APOA4: variants seen among roughly 807,000 people sequenced by gnomAD.
APOA4 encodes the protein apolipoprotein A4, also known as apolipoprotein A-IV.
In APOA4, 25 loss-of-function variants were observed where a neutral mutation model predicts 33.6. That is an observed-to-expected ratio of 0.74 (90% CI 0.54 to 1.04). The LOEUF (loss-of-function observed/expected upper bound fraction) is 1.04, where lower values mean the gene tolerates loss of function less well. APOA4 is among the 50% of genes least tolerant of loss of function. APOA4 has a pLI of 0.00. For missense variants in APOA4, 549 were observed against 510.4 expected (o/e 1.08, Z -0.73); for synonymous variants, 228 against 224.0 (o/e 1.02, Z -0.16).
At chr11:116,821,999 T>A in intron 2 of APOA4, 118 bp from the exon 3 acceptor site, 1 of 1,343,028 alleles carries the variant, frequency 7.4e-7, no homozygotes, top group Non-Finnish European at 1.1e-6. Context: ...TGCTCAGAGG[T>A]ACCGAGTTCA....
Position 116,821,278 on chromosome 11 carries a change from G to C in APOA4, c.780C>G (p.Ala260=), listed in dbSNP as rs5105. The change falls in exon 3 of 3, where the codon GCC becomes GCG. Residue 260 remains alanine (A), a synonymous_variant. Transcript: ENST00000357780. Reference sequence around the variant, plus strand: ...GCGCCAGCCTCTGCCGCAGCTCCTCGGCACTGGCCGAGATCCTGGCCTTGA... The same window carrying C: ...GCGCCAGCCTCTGCCGCAGCTCCTCCGCACTGGCCGAGATCCTGGCCTTGA... The part of the protein sequence containing the change: ...EELKARISAS[A]EELRQRLAPL... The C allele has an allele frequency of 6.2e-7, 1 of 1,613,584 alleles. No individual in the cohort carries two copies. Among genetic ancestry groups the C allele is most frequent in the Non-Finnish European group, 8.5e-7 (1 of 1,180,002 alleles).
In APOA4 at chr11:116,821,172, G is replaced by C; in HGVS notation, c.886C>G (p.Leu296Val). The C allele has an allele frequency of 6.2e-7, 1 of 1,613,514 alleles. No homozygotes were observed. Among genetic ancestry groups the C allele is most frequent in the Non-Finnish European group, 8.5e-7 (1 of 1,180,028 alleles). Residue 296 changes from leucine to valine, a missense_variant, in exon 3 of 3, where the codon CTG becomes GTG. By Grantham distance (32) the Leu-to-Val change is conservative. Transcript: ENST00000357780. Reference protein sequence around the residue: ...QKSLAELGGHLDQQVEEFRRR... With the variant: ...QKSLAELGGHVDQQVEEFRRR... ...CGGAACTCCTCCACCTGCTGGTCCA[G>C]GTGCCCACCCAGCTCTGCCAGTGAC...
intron 2 of APOA4, 143 bp from the exon 3 acceptor site, chr11:116,822,024 G>C: frequency 1.9e-6 from 2 of 1,033,172 alleles, no homozygotes; most frequent in Non-Finnish European, 1.5e-6. Context: ...CCCTATGGTG[G>C]TGCAGATTGG....
At chr11:116,821,905 C>G (rs200332523) in intron 2 of APOA4, 24 bp from the exon 3 acceptor site, 2 of 1,610,770 alleles carry the variant, frequency 1.2e-6, no homozygotes, top group Non-Finnish European at 8.5e-7. Context: ...CACAAGGAGG[C>G]CACGTTACAT....
At position 116,820,755 on chromosome 11, in the gene APOA4, A is replaced by G; in HGVS notation, c.*112T>C. On this transcript the variant is annotated 3_prime_UTR_variant, in exon 3 of 3. Transcript: ENST00000357780. ...ATATTGAGAGGTGGTCTCACCTCCC[A>G]CTGGACATGTGTCCTCAAGTTCATA... 1.3e-6 allele frequency: 2 copies of G among 1,511,852 alleles called. No homozygotes were observed. The highest frequency in any genetic ancestry group is 1.8e-6 in the Non-Finnish European group (2 of 1,131,136). The allele number at this position is 1,511,852 out of a possible 1,614,324, so 93.7% of individuals were successfully genotyped here.
At position 116,821,068 on chromosome 11, in the gene APOA4, G is replaced by A. The variant is rs1287410087; in HGVS notation, c.990C>T (p.Gly330=). 4.3e-6 allele frequency: 7 copies of A among 1,614,032 alleles called. No individual in the cohort carries two copies. The African/African-American group carries it at 6.7e-5, about 15-fold the overall frequency. The change falls in exon 3 of 3, where the codon GGC becomes GGT. Residue 330 remains glycine (G), a synonymous_variant. Transcript: ENST00000357780. ...QQMEQLRQKL[G]PHAGDVEGHL... is the part of the protein sequence containing the mutation. Reference sequence around the variant, plus strand: ...GGCCTTCCACGTCCCCCGCATGGGGGCCCAGTTTCTGCCTGAGCTGTTCCA... The same window carrying A: ...GGCCTTCCACGTCCCCCGCATGGGGACCCAGTTTCTGCCTGAGCTGTTCCA...
rs148364897 is a variant in APOA4, at chr11:116,821,544, C to T, written c.514G>A (p.Ala172Thr). 3.7e-5 allele frequency: 60 copies of T among 1,612,510 alleles called. No homozygotes were observed. The highest frequency in any genetic ancestry group is 1.5e-4 in the Admixed American group (9 of 60,008). ...QRMERVLREN[A>T]DSLQASLRPH... The stretch of plus-strand genomic sequence containing the variant: ...CTCAGCGAGGCCTGCAGGCTGTCGG[C>T]GTTCTCCCGCAGCACTCTCTCCATG... Residue 172 changes from alanine (A) to threonine (T), a missense_variant, in exon 3 of 3, where the codon GCC becomes ACC. By Grantham distance (58) the Ala-to-Thr change is moderately conservative. Transcript: ENST00000357780.
In APOA4 at chr11:116,821,614, C is replaced by A. The variant is rs762145587; in HGVS notation, c.444G>T (p.Thr148=). The change falls in exon 3 of 3, where the codon ACG becomes ACT. Residue 148 remains threonine (T), a synonymous_variant. Coordinates refer to ENST00000357780, the MANE Select transcript of APOA4 (RefSeq NM_000482.4). ...YADQLRTQVS[T]QAEQLRRQLT... is the part of the protein sequence containing the mutation. The stretch of plus-strand genomic sequence containing the variant: ...GCTGGCGCCGCAGCTGCTCGGCCTG[C>A]GTGCTGACCTGGGTGCGCAGCTGGT... 2.0e-5 allele frequency: 33 copies of A among 1,610,166 alleles called. No individual in the cohort carries two copies. The South Asian group carries it at 3.4e-4, about 17-fold the overall frequency.
chr11:116,822,881 C>T (rs1272196883), intron 1 of APOA4, 96 bp from the exon 2 acceptor site: 1 of 1,583,800 alleles, frequency 6.3e-7, no homozygotes. Flanking sequence ...GTGGGGGTGC[C>T]TCAACCTGCC....
At chr11:116,822,811 T>C (rs1941341785) in intron 1 of APOA4, 26 bp from the exon 2 acceptor site, 3 of 1,613,734 alleles carry the variant, frequency 1.9e-6, no homozygotes, top group Non-Finnish European at 2.5e-6. Context: ...GAGCAATTCA[T>C]GAGGCCCCGT....
Position 116,821,186 on chromosome 11 carries a change from T to C in APOA4, c.872A>G (p.Glu291Gly), listed in dbSNP as rs370490075. The C allele has an allele frequency of 6.8e-5, 110 of 1,613,308 alleles. No homozygotes were observed. Among genetic ancestry groups the C allele is most frequent in the Non-Finnish European group, 8.9e-5 (105 of 1,180,044 alleles). ...CTGCTGGTCCAGGTGCCCACCCAGC[T>C]CTGCCAGTGACTTCTGCAGCCCCTC... ...NTEGLQKSLA[E>G]LGGHLDQQVE... The change falls in exon 3 of 3, where the codon GAG becomes GGG. Residue 291 changes from glutamate to glycine, a missense_variant. Transcript: ENST00000357780.
Position 116,821,073 on chromosome 11 carries a change from G to C in APOA4, c.985C>G (p.Leu329Val), listed in dbSNP as rs755486311. 2.5e-5 allele frequency: 40 copies of C among 1,614,072 alleles called. 1 individual carries two copies. Among genetic ancestry groups the C allele is most frequent in the Non-Finnish European group, 4.2e-6 (5 of 1,180,050 alleles). The change falls in exon 3 of 3, where the codon CTG becomes GTG. Residue 329 changes from leucine to valine, a missense_variant. Leu to Val is a conservative substitution (Grantham distance 32). Coordinates refer to ENST00000357780, the MANE Select transcript of APOA4 (RefSeq NM_000482.4). The stretch of plus-strand genomic sequence containing the variant: ...TCCACGTCCCCCGCATGGGGGCCCA[G>C]TTTCTGCCTGAGCTGTTCCATCTGC... ...VQQMEQLRQK[L>V]GPHAGDVEGH...
chr11:116,821,088 G>A lies in APOA4; in HGVS notation c.970C>T (p.Gln324Ter). 1.2e-6 allele frequency: 2 copies of A among 1,614,140 alleles called. No individual in the cohort carries two copies. The highest frequency in any genetic ancestry group is 1.7e-6 in the Non-Finnish European group (2 of 1,180,044). Residue 324 changes from glutamine to a stop codon, truncating the protein, a stop_gained, in exon 3 of 3, where the codon CAG becomes TAG. Transcript: ENST00000357780. LOFTEE classifies it high-confidence loss of function. ...TGGGGGCCCAGTTTCTGCCTGAGCT[G>A]TTCCATCTGCTGCACCAGGGCTTTG... The part of the protein sequence containing the change: ...FNKALVQQME[Q>*]LRQKLGPHAG...
At chr11:116,821,996 A>C in intron 2 of APOA4, 115 bp from the exon 3 acceptor site, 2 of 1,383,016 alleles carry the variant, frequency 1.4e-6, no homozygotes, top group Non-Finnish European at 2.0e-6. Flanking sequence ...GAGTGCTCAG[A>C]GGTACCGAGT....
At chr11:116,822,820 G>A (rs369519556) in intron 1 of APOA4, 35 bp from the exon 2 acceptor site, 68 of 1,612,984 alleles carry the variant, frequency 4.2e-5, no homozygotes, top group African/African-American at 1.3e-4. Flanking sequence ...ATGAGGCCCC[G>A]TCTCCTGTGT....
chr11:116,820,899 G>C lies in APOA4; in HGVS notation c.1159C>G (p.Gln387Glu). 6 of 1,613,546 alleles carry C rather than the reference G, an allele frequency of 3.7e-6. No homozygotes were observed. The highest frequency in any genetic ancestry group is 5.1e-6 in the Non-Finnish European group (6 of 1,179,892). ...TCCAAAGGGGCCAGCATCTGCACCTGCTCCTGCTGCTGCTCCTGCTGCTGT... is the reference window on the plus strand; with the variant it reads ...TCCAAAGGGGCCAGCATCTGCACCTCCTCCTGCTGCTGCTCCTGCTGCTGT... ...QEQQQEQQQE[Q>E]VQMLAPLES Residue 387 changes from glutamine (Q) to glutamate (E), a missense_variant, in exon 3 of 3, where the codon CAG (glutamine) becomes GAG (glutamate). Physicochemically the swap from Gln to Glu is conservative, Grantham distance 29. Transcript: ENST00000357780.
At position 116,821,913 on chromosome 11, in the gene APOA4, C is replaced by T. The variant is rs746742240; in HGVS notation, c.177-32G>A. On this transcript the variant is annotated intron_variant, in intron 2 of 2. Transcript: ENST00000357780. ...GGAAGGGCACAAGGAGGCCACGTTA[C>T]ATTTGGCATTTACACGGCAAGACTT... 62 of 1,608,850 alleles carry T rather than the reference C, an allele frequency of 3.9e-5. 1 individual carries two copies. The South Asian group carries it at 6.7e-4, about 17-fold the overall frequency.
In APOA4 at chr11:116,820,892, T is replaced by C; in HGVS notation, c.1166A>G (p.Gln389Arg). The change falls in exon 3 of 3, where the codon CAG (glutamine) becomes CGG (arginine). Residue 389 changes from glutamine to arginine, a missense_variant. Coordinates refer to ENST00000357780, the MANE Select transcript of APOA4 (RefSeq NM_000482.4). ...TCAGCTCTCCAAAGGGGCCAGCATC[T>C]GCACCTGCTCCTGCTGCTGCTCCTG... ...QQQEQQQEQV[Q>R]MLAPLES 2 of 1,614,206 alleles carry C rather than the reference T, an allele frequency of 1.2e-6. No individual in the cohort carries two copies. Among genetic ancestry groups the C allele is most frequent in the Non-Finnish European group, 1.7e-6 (2 of 1,180,038 alleles).
chr11:116,822,934 A>G (rs1262866779), intron 1 of APOA4, 149 bp from the exon 2 acceptor site: 1 of 1,433,680 alleles, frequency 7.0e-7, no homozygotes, highest in Non-Finnish European at 9.6e-7. Context: ...CCACAGGGAT[A>G]TGTGAAACTG....
Sources: gnomAD v4.1 joint callset for allele counts on GRCh38, gnomAD v4.1.1 for gene constraint, MANE v1.5 for transcripts, NCBI Gene and HGNC (gene_info 2026-07-23, HGNC 2026-07-21) for gene names.